The following PLXND1 variants were observed in gnomAD, a reference collection of about 807,000 sequenced individuals.
The protein encoded by PLXND1 is plexin D1.
PLXND1 carries 54 observed loss-of-function variants against 197.7 expected under a neutral mutation model. The observed-to-expected ratio is 0.27, with a 90% confidence interval of 0.22 to 0.34. The LOEUF (loss-of-function observed/expected upper bound fraction) is 0.34, where lower values mean the gene tolerates loss of function less well. PLXND1 is among the 10% of genes least tolerant of loss of function. The pLI, the probability that PLXND1 is intolerant of heterozygous loss-of-function variation, is 1.00. For synonymous variants in PLXND1, 1,180 were observed against 1,161.2 expected, an observed-to-expected ratio of 1.02 and a Z score of -0.33; for missense variants, 2,127 against 2,699.2, an observed-to-expected ratio of 0.79 and a Z score of 4.70.
intron 18 of PLXND1, 48 bp downstream of exon 18, chr3:129,570,992 G>A: frequency 6.2e-7 from 1 of 1,613,238 alleles, no homozygotes. Context: ...GCCCACAGCT[G>A]AGGCTGGCTC....
chr3:129,572,778 C>T (rs369618729), intron 14 of PLXND1, 30 bp from the exon 15 acceptor site: 88 of 1,602,554 alleles, frequency 5.5e-5, no homozygotes, highest in Middle Eastern at 1.7e-4. Context: ...GTTTGGGCCT[C>T]GGGCCAGCCC....
chr3:129,576,360 T>C (rs925602810), intron 9 of PLXND1, among the ~76,000 whole-genome samples: 1 of 152,198 alleles, frequency 6.6e-6, no homozygotes, highest in Admixed American at 6.5e-5. Context: ...GGATCCAGCT[T>C]AAAAGCCCCC....
At chr3:129,599,860 T>G (rs1310032764) in intron 1 of PLXND1, among the ~76,000 whole-genome samples, 1 of 152,186 alleles carries the variant, frequency 6.6e-6, no homozygotes, top group African/African-American at 2.4e-5. Context: ...CCTGCTTCTA[T>G]CTGCGGATCC....
intron 2 of PLXND1, 40 bp downstream of exon 2, chr3:129,589,311 C>CCCCCCCCCCCCCCCCCCCCCCA: frequency 2.2e-6 from 1 of 448,874 alleles, no homozygotes; most frequent in Admixed American, 3.3e-5. Flanking sequence ...AGGGGAGCCT[C>CCCCCCCCCCCCCCCCCCCCCCA]CCACCCCCAC....
chr3:129,560,462 C>G (rs372116283), intron 30 of PLXND1, 28 bp from the exon 31 acceptor site: 8 of 1,485,192 alleles, frequency 5.4e-6, no homozygotes, highest in Non-Finnish European at 7.5e-6. Context: ...GGTCAGTGTC[C>G]GCACCAGGCC....
chr3:129,603,000 C>T (rs1312442989), intron 1 of PLXND1, among the ~76,000 whole-genome samples: 2 of 152,198 alleles, frequency 1.3e-5, no homozygotes, highest in Non-Finnish European at 2.9e-5. Flanking sequence ...GGTTCTGAAT[C>T]TGTCGCTGCA....
In PLXND1 at chr3:129,605,746, G is replaced by A; in HGVS notation, c.894C>T (p.Tyr298=). The A allele has an allele frequency of 6.4e-7, 1 of 1,551,656 alleles. No homozygotes were observed. ...CGCGCGCCTCGCTGTTGAGCGCCAG[G>A]TACGCGTAGGACTGTGCACCCGGCG... ...DPPPGAQSYA[Y]LALNSEARAG... is the part of the protein sequence containing the mutation. The change falls in exon 1 of 36, where the codon TAC becomes TAT. Residue 298 remains tyrosine (Y), a synonymous_variant. Transcript: ENST00000324093.
intron 8 of PLXND1, among the ~76,000 whole-genome samples, chr3:129,581,877 G>C (rs575840429): frequency 4.6e-5 from 7 of 152,376 alleles, no homozygotes; most frequent in Non-Finnish European, 7.3e-5. Context: ...ACAAGAAGCA[G>C]GCTGCTGCCC....
At chr3:129,556,513 C>T (rs142346074) in intron 35 of PLXND1, 85 bp from the exon 36 acceptor site, 186 of 1,339,960 alleles carry the variant, frequency 1.4e-4, no homozygotes, top group Non-Finnish European at 1.8e-4. Context: ...GAACGTCTAC[C>T]ACGAGTGACA....
Position 129,570,828 on chromosome 3 carries a change from G to T in PLXND1, c.3708C>A (p.Val1236=). 6.2e-7 allele frequency: 1 copy of T among 1,614,198 alleles called. No homozygotes were observed. Among genetic ancestry groups the T allele is most frequent in the South Asian group, 1.1e-5 (1 of 91,060 alleles). Residue 1236 remains valine (V), a synonymous_variant, in exon 19 of 36, where the codon GTC becomes GTA. Coordinates refer to ENST00000324093, the MANE Select transcript of PLXND1 (RefSeq NM_015103.3). ...CCACGGCCGCGCCCAGGGACTCGTT[G>T]ACCGAGCAGTGGATGATTCTGTCAG... ...IVSDRIIHCS[V]NESLGAAVGQ...
chr3:129,555,503 A>G lies in PLXND1; in HGVS notation c.*809T>C. On this transcript the variant is annotated 3_prime_UTR_variant, in exon 36 of 36. Transcript: ENST00000324093. Reference sequence around the variant, plus strand: ...CGGGTCCTCTGCGCAAGCGGCAGCTATTCACAGTTGGTGCATGATACGTTT... The same window carrying G: ...CGGGTCCTCTGCGCAAGCGGCAGCTGTTCACAGTTGGTGCATGATACGTTT... The G allele has an allele frequency of 1.5e-6, 1 of 678,236 alleles. No homozygotes were observed. Among genetic ancestry groups the G allele is most frequent in the Non-Finnish European group, 2.6e-6 (1 of 379,010 alleles). The allele number at this position is 678,236 out of a possible 1,614,324, so 42.0% of individuals were successfully genotyped here. A position where few individuals can be genotyped will look rare whatever the true frequency, so the allele number is the denominator to read the frequency against.
Position 129,562,932 on chromosome 3 carries a change from C to T in PLXND1, c.4680G>A (p.Val1560=). 1 of 1,603,604 alleles carries T rather than the reference C, an allele frequency of 6.2e-7. No homozygotes were observed. The highest frequency in any genetic ancestry group is 8.5e-7 in the Non-Finnish European group (1 of 1,171,108). ...AGTCCATGCCACAGCCCTGGAAGGA[C>T]ACGTTCAGGTTCTGCAGGGGGAGAG... ...NIEAKPRNLN[V]SFQGCGMDSL... The change falls in exon 27 of 36, where the codon GTG becomes GTA. Residue 1560 remains valine (V), a synonymous_variant. Transcript: ENST00000324093.
chr3:129,570,718 G>A (rs2085210876), intron 19 of PLXND1, 68 bp downstream of exon 19: 1 of 1,481,272 alleles, frequency 6.8e-7, no homozygotes, highest in South Asian at 1.1e-5. Flanking sequence ...TGGGTGAGGG[G>A]CAGATGCTTG....
Position 129,583,549 on chromosome 3 carries a change from C to T in PLXND1, c.2241+18G>A. 4.5e-6 allele frequency: 7 copies of T among 1,551,640 alleles called. No individual in the cohort carries two copies. Among genetic ancestry groups the T allele is most frequent in the Non-Finnish European group, 6.2e-6 (7 of 1,128,196 alleles). ...TAATGAAACAGCAGAGGCGGAGGGG[C>T]CCCCTAGCCTGGCTTACCGTGGGGT... On this transcript the variant is annotated intron_variant, in intron 8 of 35. Transcript: ENST00000324093.
At chr3:129,584,642 G>T in intron 5 of PLXND1, 80 bp from the exon 6 acceptor site, 1 of 1,364,172 alleles carries the variant, frequency 7.3e-7, no homozygotes, top group Middle Eastern at 2.0e-4. Flanking sequence ...ACCAACCCAA[G>T]GTCTGGCACT....
At chr3:129,579,346 C>T (rs1007942287) in intron 8 of PLXND1, among the ~76,000 whole-genome samples, 6 of 152,124 alleles carry the variant, frequency 3.9e-5, no homozygotes, top group African/African-American at 7.2e-5. Context: ...GGTCTAGCCC[C>T]GCTGCAGGGA....
Position 129,577,581 on chromosome 3 carries a change from C to T in PLXND1, c.2346+748G>A, listed in dbSNP as rs1027288637. Reference sequence around the variant, plus strand: ...TGGCCACCACGTGTGACAGCTCTCACGGGCCTCAGCTCCTCCATGGAAGTA... The same window carrying T: ...TGGCCACCACGTGTGACAGCTCTCATGGGCCTCAGCTCCTCCATGGAAGTA... On this transcript the variant is annotated intron_variant, in intron 9 of 35. Coordinates refer to ENST00000324093, the MANE Select transcript of PLXND1 (RefSeq NM_015103.3). The surrounding 1 kb of genome is among the most constrained non-coding windows in gnomAD (Gnocchi z 5.0). 5.3e-5 allele frequency among the ~76,000 whole-genome samples: 8 copies of T among 152,190 alleles called. No homozygotes were observed. The highest frequency in any genetic ancestry group is 1.3e-4 in the Admixed American group (2 of 15,290).
intron 9 of PLXND1, 72 bp downstream of exon 9, chr3:129,578,257 G>A: frequency 3.4e-6 from 3 of 887,502 alleles, no homozygotes; most frequent in Non-Finnish European, 3.7e-6. Context: ...CAGGACATGG[G>A]GGCAGTTAGT....
chr3:129,585,833 T>G, intron 5 of PLXND1, 119 bp downstream of exon 5: 1 of 1,339,424 alleles, frequency 7.5e-7, no homozygotes. Context: ...GTTCTCATTA[T>G]TTGTCTTCAG....
Sources: gnomAD v4.1 joint callset for allele counts (sites outside exome capture counted in the v4.1 genomes callset) on GRCh38, gnomAD v4.1.1 for gene constraint, Gnocchi (gnomAD v3.1) non-coding constraint, MANE v1.5 for transcripts, NCBI Gene and HGNC (gene_info 2026-07-23, HGNC 2026-07-21) for gene names.